The following SORCS2 variants were observed in gnomAD, a reference collection of about 807,000 sequenced individuals.
The protein encoded by SORCS2 is VPS10 domain-containing receptor SorCS2.
Under a neutral mutation model 141.6 loss-of-function variants are expected in SORCS2, and 100 were observed. The observed-to-expected ratio is 0.71, with a 90% CI of 0.60 to 0.83. SORCS2 has a LOEUF of 0.83. SORCS2 is among the 40% of genes least tolerant of loss of function. SORCS2 has a pLI of 0.00. For synonymous variants in SORCS2, 789 were observed against 676.9 expected (o/e 1.17, Z -2.57); for missense variants, 1,646 against 1,560.2 (o/e 1.05, Z -0.93).
intron 1 of SORCS2, among the ~76,000 whole-genome samples, chr4:7,377,458 T>G (rs1426162985): frequency 6.6e-6 from 1 of 152,218 alleles, no homozygotes; most frequent in Non-Finnish European, 1.5e-5. Flanking sequence ...CAACAGACAT[T>G]CATCACTTCA....
intron 4 of SORCS2, among the ~76,000 whole-genome samples, chr4:7,639,919 GTGTT>G (rs375546542): frequency 0.011 from 1,006 of 89,710 alleles, 4 homozygotes; most frequent in South Asian, 0.024. Flanking sequence ...GGGTGTGTGT[GTGTT>G]TGTGAGAATA....
intron 1 of SORCS2, among the ~76,000 whole-genome samples, chr4:7,229,831 A>G (rs955172376): frequency 1.5e-5 from 2 of 135,024 alleles, no homozygotes; most frequent in African/African-American, 5.8e-5. Flanking sequence ...ATGCTCGTGT[A>G]TGAAGGAGAT....
chr4:7,277,392 T>C (rs1056589865), intron 1 of SORCS2, among the ~76,000 whole-genome samples: 3 of 151,938 alleles, frequency 2.0e-5, no homozygotes, highest in Non-Finnish European at 4.4e-5. Context: ...ATGAGTGTGT[T>C]TGTGTGTGTG....
intron 11 of SORCS2, among the ~76,000 whole-genome samples, chr4:7,694,859 C>A (rs1309516382): frequency 1.3e-5 from 2 of 152,130 alleles, no homozygotes; most frequent in African/African-American, 4.8e-5. Flanking sequence ...CCTTGGACAC[C>A]CAGTCCCCTT....
At chr4:7,550,132 A>ATGTGTGTGTGTG (rs36213889) in intron 3 of SORCS2, among the ~76,000 whole-genome samples, 247 of 142,266 alleles carry the variant, frequency 1.7e-3, no homozygotes, top group African/African-American at 6.2e-3. Flanking sequence ...GTATGTGTGT[A>ATGTGTGTGTGTG]TGTGTGTGTG....
At chr4:7,574,141 G>A (rs1470402315) in intron 3 of SORCS2, among the ~76,000 whole-genome samples, 1 of 152,246 alleles carries the variant, frequency 6.6e-6, no homozygotes. Context: ...TTCTCAGTCA[G>A]TTCCCCCCAG....
intron 3 of SORCS2, among the ~76,000 whole-genome samples, chr4:7,598,834 T>C (rs1274049071): frequency 1.3e-5 from 2 of 152,170 alleles, no homozygotes; most frequent in East Asian, 1.9e-4. Context: ...GGCTGTGTTC[T>C]CCCCCCCAGG....
At chr4:7,631,779 G>A (rs1313726700) in intron 3 of SORCS2, among the ~76,000 whole-genome samples, 1 of 150,736 alleles carries the variant, frequency 6.6e-6, no homozygotes, top group African/African-American at 2.4e-5. Flanking sequence ...GTCCCTCCCA[G>A]CCCTCCCTTC....
chr4:7,447,989 C>T (rs1375096807), intron 2 of SORCS2, among the ~76,000 whole-genome samples: 9 of 152,172 alleles, frequency 5.9e-5, no homozygotes, highest in Non-Finnish European at 1.0e-4. Flanking sequence ...CCACATATGC[C>T]GCTGTGCTGC....
Position 7,365,228 on chromosome 4 carries a change from C to A in SORCS2, c.481-31060C>A, listed in dbSNP as rs186064541. On this transcript the variant is annotated intron_variant, in intron 1 of 26. Transcript: ENST00000507866. ...TGGTATTTTGAAAACATGGCCCTGG[C>A]TGCAGCATGGAGGATGGAGGAAGGA... Among the ~76,000 whole-genome samples, 44 of 152,310 alleles carry A rather than the reference C, an allele frequency of 2.9e-4. No homozygotes were observed. In the East Asian group the frequency reaches 8.1e-3, roughly 28 times the overall value.
At chr4:7,285,857 G>A (rs978706379) in intron 1 of SORCS2, among the ~76,000 whole-genome samples, 1 of 152,206 alleles carries the variant, frequency 6.6e-6, no homozygotes, top group African/African-American at 2.4e-5. Context: ...GAGTTCAGAT[G>A]CTCCTGCTGA....
intron 2 of SORCS2, among the ~76,000 whole-genome samples, chr4:7,488,327 G>A (rs1355003018): frequency 6.6e-6 from 1 of 152,236 alleles, no homozygotes; most frequent in African/African-American, 2.4e-5. Flanking sequence ...TGTGGAGAGA[G>A]TCCTGCTCCT....
chr4:7,445,551 C>CCAGG (rs1727933665), intron 2 of SORCS2, among the ~76,000 whole-genome samples: 1 of 152,108 alleles, frequency 6.6e-6, no homozygotes, highest in Non-Finnish European at 1.5e-5. Flanking sequence ...AGGGGAAGCA[C>CCAGG]CAGGGCTGGA....
chr4:7,494,920 C>A (rs1381963586), intron 2 of SORCS2, among the ~76,000 whole-genome samples: 1 of 152,234 alleles, frequency 6.6e-6, no homozygotes, highest in Non-Finnish European at 1.5e-5. Context: ...GGTGCTGGTG[C>A]CCACAGCCTG....
chr4:7,194,589 T>C (rs545474359), intron 1 of SORCS2, among the ~76,000 whole-genome samples: 1 of 152,192 alleles, frequency 6.6e-6, no homozygotes, highest in Admixed American at 6.5e-5. Context: ...GCTGGCTCCC[T>C]GGGTGCAGTG....
intron 23 of SORCS2, among the ~76,000 whole-genome samples, chr4:7,733,076 C>G (rs1453014008): frequency 6.7e-6 from 1 of 150,228 alleles, no homozygotes; most frequent in African/African-American, 2.5e-5. Flanking sequence ...CCTTGCTCCC[C>G]TCCCCCCTAG....
At chr4:7,655,616 G>A (rs1190163648) in intron 5 of SORCS2, among the ~76,000 whole-genome samples, 9 of 152,208 alleles carry the variant, frequency 5.9e-5, no homozygotes, top group Non-Finnish European at 1.3e-4. Flanking sequence ...GGGGAGAGGC[G>A]ACGGCCGTCT....
chr4:7,626,923 T>C (rs1380351221), intron 3 of SORCS2, among the ~76,000 whole-genome samples: 1 of 152,226 alleles, frequency 6.6e-6, no homozygotes, highest in African/African-American at 2.4e-5. Flanking sequence ...TCATCCTCGA[T>C]GATAATGATT....
rs1729325727 is a variant in SORCS2 at position 7,461,745 on chromosome 4, G to T, written c.548+65390G>T. 2.6e-5 allele frequency among the ~76,000 whole-genome samples: 4 copies of T among 152,264 alleles called. 1 individual carries two copies. The South Asian group carries it at 8.3e-4, about 32-fold the overall frequency. ...CCCAGAGGCTTGGACAGGGCGTTCT[G>T]GGTGCCTCACCTCTGACCCCTTCTT... On this transcript the variant is annotated intron_variant, in intron 2 of 26. Transcript: ENST00000507866.
Sources: gnomAD v4.1 joint callset for allele counts (sites outside exome capture counted in the v4.1 genomes callset) on GRCh38, gnomAD v4.1.1 for gene constraint, MANE v1.5 for transcripts, NCBI Gene and HGNC (gene_info 2026-07-23, HGNC 2026-07-21) for gene names.